The following SLC25A19 variants were observed in gnomAD, a reference collection of about 807,000 sequenced individuals.
The protein encoded by SLC25A19 is mitochondrial thiamine pyrophosphate carrier.
A neutral mutation model predicts 27.9 loss-of-function variants in SLC25A19; 18 were observed. That is an observed-to-expected ratio of 0.64 (90% CI 0.45 to 0.96). The LOEUF (loss-of-function observed/expected upper bound fraction) is 0.96. Among genes scored for constraint, SLC25A19 ranks in the 40% least tolerant of loss-of-function variants. The probability of loss-of-function intolerance (pLI) is 0.00; values close to 1 mark genes in which losing one functional copy is unlikely to be tolerated. For missense variants in SLC25A19, 371 were observed against 418.3 expected (o/e 0.89, Z 0.99); for synonymous variants, 169 against 167.1 (o/e 1.01, Z -0.09).
chr17:75,286,151 G>T (rs1193531947), intron 4 of SLC25A19, among the ~76,000 whole-genome samples, 153 bp downstream of exon 4: 1 of 152,214 alleles, frequency 6.6e-6, no homozygotes, highest in Non-Finnish European at 1.5e-5. Context: ...CGGTACTGCT[G>T]GTCAGGAAGG....
In SLC25A19 at chr17:75,283,597, C is replaced by A; in HGVS notation, c.289-4G>T. 1 of 1,612,674 alleles carries A rather than the reference C, an allele frequency of 6.2e-7. No homozygotes were observed. The highest frequency in any genetic ancestry group is 8.5e-7 in the Non-Finnish European group (1 of 1,179,314). ...TCAGCATTTCAAATGACAAGAACTG[C>A]AAGAGTAAGTGAAGAAGTCACCGAC... is the stretch of plus-strand genomic sequence containing the variant. On this transcript the variant is annotated splice_polypyrimidine_tract_variant and splice_region_variant and intron_variant, in intron 4 of 7. Transcript: ENST00000416858.
At chr17:75,276,280 C>CAA (rs992223726) in intron 7 of SLC25A19, among the ~76,000 whole-genome samples, 7 of 152,106 alleles carry the variant, frequency 4.6e-5, no homozygotes, top group Admixed American at 3.3e-4. Flanking sequence ...CGTTTCAAAA[C>CAA]AAAAACAAAA....
At chr17:75,285,020 C>T (rs1452679215) in intron 4 of SLC25A19, among the ~76,000 whole-genome samples, 2 of 152,018 alleles carry the variant, frequency 1.3e-5, no homozygotes, top group African/African-American at 4.8e-5. Context: ...TTCACAGCAG[C>T]CTTGACTTCT....
intron 5 of SLC25A19, among the ~76,000 whole-genome samples, chr17:75,280,172 G>T (rs994172289): frequency 6.6e-6 from 1 of 152,112 alleles, no homozygotes; most frequent in Admixed American, 6.5e-5. Context: ...TTCGAGAACA[G>T]CCTGGGCAAC....
In SLC25A19 at chr17:75,283,579, T is replaced by C. The variant is rs751081555; in HGVS notation, c.303A>G (p.Glu101=). 1 of 1,613,442 alleles carries C rather than the reference T, an allele frequency of 6.2e-7. No individual in the cohort carries two copies. Among genetic ancestry groups the C allele is most frequent in the Non-Finnish European group, 8.5e-7 (1 of 1,179,700 alleles). The change falls in exon 5 of 8, where the codon GAA becomes GAG. Residue 101 remains glutamate, a synonymous_variant. Coordinates refer to ENST00000416858, the MANE Select transcript of SLC25A19 (RefSeq NM_001126121.2). ...CTCTGTGGACCAGCTCCGTCAGCAT[T>C]TCAAATGACAAGAACTGCAAGAGTA... The part of the protein sequence containing the change: ...GYGAVQFLSF[E]MLTELVHRGS...
intron 5 of SLC25A19, among the ~76,000 whole-genome samples, chr17:75,280,713 T>A (rs941115382): frequency 8.5e-5 from 13 of 152,080 alleles, no homozygotes; most frequent in African/African-American, 3.1e-4. Context: ...CTTGGGAGGC[T>A]GAGGCGGGAG....
intron 1 of SLC25A19, 62 bp from the exon 2 acceptor site, chr17:75,288,653 GCA>G (rs2078238079): frequency 1.8e-5 from 1 of 56,012 alleles, no homozygotes. Flanking sequence ...ATTTGTTATG[GCA>G]AAAAAAAAAA....
chr17:75,284,779 A>T (rs921278248), intron 4 of SLC25A19, among the ~76,000 whole-genome samples: 1 of 150,998 alleles, frequency 6.6e-6, no homozygotes, highest in African/African-American at 2.4e-5. Context: ...AGTAGCTGGG[A>T]TTACAGGCGC....
intron 7 of SLC25A19, among the ~76,000 whole-genome samples, chr17:75,276,515 C>A (rs1002889695): frequency 1.3e-5 from 2 of 151,436 alleles, no homozygotes; most frequent in East Asian, 3.9e-4. Flanking sequence ...CTACAGGCGC[C>A]CACCACCATA....
At chr17:75,278,033 G>C (rs1161889465) in intron 6 of SLC25A19, 119 bp downstream of exon 6, 1 of 1,090,050 alleles carries the variant, frequency 9.2e-7, no homozygotes, top group East Asian at 2.4e-5. Flanking sequence ...TACAGAGCCA[G>C]GTACAGAGAC....
At chr17:75,282,486 T>G (rs541445789) in intron 5 of SLC25A19, among the ~76,000 whole-genome samples, 313 of 151,622 alleles carry the variant, frequency 2.1e-3, no homozygotes, top group Non-Finnish European at 3.9e-3. Flanking sequence ...GAGGCAGAGG[T>G]TGCAGTGAGC....
chr17:75,273,232 G>A lies in SLC25A19; in HGVS notation c.*219C>T, dbSNP rs1473918909. On this transcript the variant is annotated 3_prime_UTR_variant, in exon 8 of 8. Coordinates refer to ENST00000416858, the MANE Select transcript of SLC25A19 (RefSeq NM_001126121.2). ...ACTTCCTGCTCCTTCTCACTGTGTC[G>A]TTGGCTCACCATAGACCACGTCCTG... The A allele has an allele frequency of 1.0e-5, 6 of 579,898 alleles. No individual in the cohort carries two copies. Among genetic ancestry groups the A allele is most frequent in the South Asian group, 4.0e-5 (2 of 50,476 alleles). The allele number at this position is 579,898 out of a possible 1,614,324, so 35.9% of individuals were successfully genotyped here. A position where few individuals can be genotyped will look rare whatever the true frequency, so the allele number is the denominator to read the frequency against.
At chr17:75,287,815 C>A (rs1006163641) in intron 2 of SLC25A19, 3 of 152,540 alleles carry the variant, frequency 2.0e-5, no homozygotes, top group Non-Finnish European at 2.9e-5. Context: ...ACACCTCAGA[C>A]CACCCCGGCA....
intron 1 of SLC25A19, 118 bp downstream of exon 1, chr17:75,289,221 GTGACACGTGTGTACA>G: frequency 6.6e-6 from 1 of 152,576 alleles, no homozygotes; most frequent in African/African-American, 2.4e-5. Flanking sequence ...CTGGTCTGGT[GTGACACGTGTGTACA>G]CAGTCCCCGC....
At chr17:75,281,806 G>T (rs183390287) in intron 5 of SLC25A19, among the ~76,000 whole-genome samples, 1 of 152,322 alleles carries the variant, frequency 6.6e-6, no homozygotes. Context: ...GTAATTATTT[G>T]TTCTGTTTCA....
chr17:75,283,879 G>A (rs1469789152), intron 4 of SLC25A19, among the ~76,000 whole-genome samples: 2 of 152,212 alleles, frequency 1.3e-5, no homozygotes, highest in African/African-American at 4.8e-5. Flanking sequence ...ACTCTGGGGG[G>A]CCGAGGCGGG....
chr17:75,281,946 C>A (rs1369821586), intron 5 of SLC25A19, among the ~76,000 whole-genome samples: 1 of 152,186 alleles, frequency 6.6e-6, no homozygotes, highest in Non-Finnish European at 1.5e-5. Flanking sequence ...AAACCCGAAC[C>A]TCTCCCAGCT....
At chr17:75,287,578 T>G (rs1054528910) in intron 2 of SLC25A19, 4 of 152,248 alleles carry the variant, frequency 2.6e-5, no homozygotes, top group African/African-American at 9.6e-5. Flanking sequence ...TGAACAGGCT[T>G]GATAGGCAAT....
In SLC25A19 at chr17:75,273,046, G is replaced by A; in HGVS notation, c.*405C>T. 1 of 333,812 alleles carries A rather than the reference G, an allele frequency of 3.0e-6. No homozygotes were observed. Among genetic ancestry groups the A allele is most frequent in the South Asian group, 2.6e-5 (1 of 38,070 alleles). The allele number at this position is 333,812 out of a possible 1,614,324, so 20.7% of individuals were successfully genotyped here. A position where few individuals can be genotyped will look rare whatever the true frequency, so the allele number is the denominator to read the frequency against. On this transcript the variant is annotated 3_prime_UTR_variant, in exon 8 of 8. Coordinates refer to ENST00000416858, the MANE Select transcript of SLC25A19 (RefSeq NM_001126121.2). Reference sequence around the variant, plus strand: ...AGGTTGGAAAAACAGGCCAAGTGTAGGGACCTGACTCCTGCAAAGGGCCTA... The same window carrying A: ...AGGTTGGAAAAACAGGCCAAGTGTAAGGACCTGACTCCTGCAAAGGGCCTA...
Sources: allele counts gnomAD v4.1 joint callset (sites outside exome capture counted in the v4.1 genomes callset), GRCh38; gene constraint gnomAD v4.1.1; transcripts MANE v1.5; gene names NCBI Gene and HGNC (gene_info 2026-07-23, HGNC 2026-07-21).